The following DPYSL3 variants were observed in gnomAD, a reference collection of about 807,000 sequenced individuals.
DPYSL3 encodes the protein dihydropyrimidinase-related protein 3.
A neutral mutation model predicts 66.1 loss-of-function variants in DPYSL3; 16 were observed. The observed-to-expected ratio is 0.24, with a 90% confidence interval of 0.16 to 0.37. The LOEUF (loss-of-function observed/expected upper bound fraction) is 0.37. Among genes scored for constraint, DPYSL3 ranks in the 10% least tolerant of loss-of-function variants. The pLI, the probability that DPYSL3 is intolerant of heterozygous loss-of-function variation, is 1.00. For missense variants in DPYSL3, 738 were observed against 916.2 expected (o/e 0.81, Z 2.51); for synonymous variants, 338 against 345.1 (o/e 0.98, Z 0.23).
At chr5:147,453,753 G>T (rs1240011574) in intron 1 of DPYSL3, 4 of 1,312,542 alleles carry the variant, frequency 3.0e-6, no homozygotes, top group African/African-American at 3.1e-5. Flanking sequence ...CTCCCGCGGC[G>T]GCTGCCAGAG....
chr5:147,457,584 C>G (rs74843544), intron 1 of DPYSL3, among the ~76,000 whole-genome samples: 28 of 152,266 alleles, frequency 1.8e-4, no homozygotes, highest in South Asian at 1.2e-3. Context: ...ATTAAGATGG[C>G]GAAGAATCAC....
intron 1 of DPYSL3, among the ~76,000 whole-genome samples, chr5:147,456,885 C>A (rs1445183896): frequency 6.6e-6 from 1 of 152,018 alleles, no homozygotes; most frequent in Non-Finnish European, 1.5e-5. Context: ...ACCACCGCAC[C>A]CAGCCAGTTC....
chr5:147,476,246 T>A (rs1179567886), intron 1 of DPYSL3, among the ~76,000 whole-genome samples: 1 of 152,178 alleles, frequency 6.6e-6, no homozygotes, highest in Non-Finnish European at 1.5e-5. Flanking sequence ...AGTTCCATGA[T>A]CATCTAGTTA....
Position 147,509,960 on chromosome 5 carries a change from G to A in DPYSL3, c.-102C>T. ...GCCACAGTGACTGTGGCGGGAGGAG[G>A]CGCCTGAGCCTTCGCGCCAGAGGCG... On this transcript the variant is annotated 5_prime_UTR_variant, in exon 1 of 14. Coordinates refer to ENST00000343218, the MANE Select transcript of DPYSL3 (RefSeq NM_001197294.2). This position sits in a 1 kb window ranked among gnomAD's most constrained non-coding sequence, Gnocchi z 5.3. 2.1e-6 allele frequency: 3 copies of A among 1,428,140 alleles called. No individual in the cohort carries two copies. The highest frequency in any genetic ancestry group is 2.7e-6 in the Non-Finnish European group (3 of 1,093,360). The allele number at this position is 1,428,140 out of a possible 1,614,324, so 88.5% of individuals were successfully genotyped here.
intron 1 of DPYSL3, among the ~76,000 whole-genome samples, chr5:147,478,387 C>T (rs1753191453): frequency 6.6e-6 from 1 of 152,168 alleles, no homozygotes; most frequent in African/African-American, 2.4e-5. Context: ...AAGGAGACAA[C>T]TGATTATTGG....
At chr5:147,432,909 C>T (rs1263611570) in intron 1 of DPYSL3, among the ~76,000 whole-genome samples, 2 of 152,152 alleles carry the variant, frequency 1.3e-5, no homozygotes, top group East Asian at 3.9e-4. Context: ...CTACATTCTG[C>T]TGCCTTCGAG....
intron 1 of DPYSL3, among the ~76,000 whole-genome samples, chr5:147,442,037 A>G (rs1214576569): frequency 2.0e-5 from 3 of 152,358 alleles, no homozygotes; most frequent in Non-Finnish European, 2.9e-5. Flanking sequence ...AAACCCCACT[A>G]TGAATTTATC....
intron 1 of DPYSL3, among the ~76,000 whole-genome samples, chr5:147,467,128 C>G (rs1345828117): frequency 6.6e-6 from 1 of 152,120 alleles, no homozygotes; most frequent in African/African-American, 2.4e-5. Flanking sequence ...TATTTTTTCA[C>G]TGGAGACATA....
chr5:147,423,618 T>G (rs60753325), intron 2 of DPYSL3, among the ~76,000 whole-genome samples: 13,282 of 152,214 alleles, frequency 0.087, 1,564 homozygotes, highest in African/African-American at 0.26. Context: ...ATGTAAGATA[T>G]GAGAGTAAGT....
chr5:147,509,931 C>A lies in DPYSL3; in HGVS notation c.-73G>T, dbSNP rs1470236708. On this transcript the variant is annotated 5_prime_UTR_variant, in exon 1 of 14. Coordinates refer to ENST00000343218, the MANE Select transcript of DPYSL3 (RefSeq NM_001197294.2). This position sits in a 1 kb window ranked among gnomAD's most constrained non-coding sequence, Gnocchi z 5.3. Reference sequence around the variant, plus strand: ...AAAGGGCAGCCGCCGGCAGCGTGCGCCGAGCCACAGTGACTGTGGCGGGAG... The same window carrying A: ...AAAGGGCAGCCGCCGGCAGCGTGCGACGAGCCACAGTGACTGTGGCGGGAG... The A allele has an allele frequency of 6.9e-7, 1 of 1,451,908 alleles. No homozygotes were observed. Among genetic ancestry groups the A allele is most frequent in the Non-Finnish European group, 9.0e-7 (1 of 1,105,116 alleles). 89.9% of individuals were successfully genotyped at this position (1,451,908 alleles called of 1,614,324 possible).
At position 147,392,860 on chromosome 5, in the gene DPYSL3, C is replaced by T. The variant is rs2152012867; in HGVS notation, c.*1175G>A. The stretch of plus-strand genomic sequence containing the variant: ...AGGTCCACAAAATGTGCTCCCTCTG[C>T]TCAAGACTGACTTTGGCTTTCCCAG... On this transcript the variant is annotated 3_prime_UTR_variant, in exon 14 of 14. Transcript: ENST00000343218. 1 of 152,370 alleles carries T rather than the reference C, an allele frequency of 6.6e-6. No homozygotes were observed. Among genetic ancestry groups the T allele is most frequent in the Non-Finnish European group, 1.5e-5 (1 of 68,050 alleles). The allele number at this position is 152,370 out of a possible 1,614,324, so 9.4% of individuals were successfully genotyped here.
intron 1 of DPYSL3, 137 bp from the exon 2 acceptor site, chr5:147,425,100 A>C (rs1561783176): frequency 3.5e-6 from 2 of 564,972 alleles, no homozygotes; most frequent in East Asian, 6.1e-5. Context: ...TGCTCAATGC[A>C]CTCAACATTT....
In DPYSL3 at chr5:147,458,384, A is replaced by G. The variant is rs143508942; in HGVS notation, c.382-33421T>C. On this transcript the variant is annotated intron_variant, in intron 1 of 13. Transcript: ENST00000343218. The stretch of plus-strand genomic sequence containing the variant: ...ATGGCAACGTCGGAAGTTACCCTAG[A>G]TGGTCTAAAAAGGGGAGGCATGAAT... Among the ~76,000 whole-genome samples, 436 of 152,308 alleles carry G rather than the reference A, an allele frequency of 2.9e-3. 2 individuals are homozygous for G. The highest frequency in any genetic ancestry group is 0.01 in the Middle Eastern group (3 of 294).
rs1321484884 is a variant in DPYSL3 at position 147,408,533 on chromosome 5, G to A, written c.1032+195C>T. On this transcript the variant is annotated intron_variant, in intron 7 of 13. Transcript: ENST00000343218. ...ACACTCCAACTTGTGTTATCTGTAG[G>A]GAGATTAGGGGTCAGAAATAAGCAT... Among the ~76,000 whole-genome samples, 6 of 152,230 alleles carry A rather than the reference G, an allele frequency of 3.9e-5. No homozygotes were observed. In the East Asian group the frequency reaches 1.2e-3, roughly 29 times the overall value.
intron 1 of DPYSL3, among the ~76,000 whole-genome samples, chr5:147,438,458 A>C (rs1409936146): frequency 2.6e-5 from 4 of 152,234 alleles, no homozygotes; most frequent in African/African-American, 9.6e-5. Context: ...CTTCGCCTTC[A>C]ATAAAGATCT....
intron 1 of DPYSL3, among the ~76,000 whole-genome samples, chr5:147,436,657 T>TA (rs1248515386): frequency 6.6e-6 from 1 of 152,146 alleles, no homozygotes; most frequent in Non-Finnish European, 1.5e-5. Flanking sequence ...AAGAAAATTA[T>TA]AAAAAAGTAA....
chr5:147,426,790 C>G (rs1317132750), intron 1 of DPYSL3, among the ~76,000 whole-genome samples: 2 of 152,196 alleles, frequency 1.3e-5, no homozygotes, highest in African/African-American at 4.8e-5. Flanking sequence ...AGAAAATTAC[C>G]ACCTAGCTTC....
chr5:147,401,798 C>T, intron 8 of DPYSL3, 102 bp from the exon 9 acceptor site: 3 of 1,399,936 alleles, frequency 2.1e-6, no homozygotes, highest in Non-Finnish European at 1.9e-6. Context: ...GACTGTGTCT[C>T]AGAGTCAGAC....
At chr5:147,397,322 G>A (rs1300974335) in intron 12 of DPYSL3, among the ~76,000 whole-genome samples, 5 of 151,592 alleles carry the variant, frequency 3.3e-5, no homozygotes, top group African/African-American at 4.9e-5. Flanking sequence ...GGGATGTGTC[G>A]GTGTGGATTC....
Sources: allele counts gnomAD v4.1 joint callset (sites outside exome capture counted in the v4.1 genomes callset), GRCh38; gene constraint gnomAD v4.1.1; non-coding constraint Gnocchi (gnomAD v3.1); transcripts MANE v1.5; gene names NCBI Gene and HGNC (gene_info 2026-07-23, HGNC 2026-07-21).